DLG2: variants seen among roughly 807,000 people sequenced by gnomAD.
DLG2 encodes the protein discs large MAGUK scaffold protein 2, also known as disks large homolog 2.
DLG2 carries 45 observed loss-of-function variants against 132.5 expected under a neutral mutation model. That is an observed-to-expected ratio of 0.34 (90% CI 0.27 to 0.44). The LOEUF is 0.44. Among genes scored for constraint, DLG2 ranks in the 20% least tolerant of loss-of-function variants. The pLI, the probability that DLG2 is intolerant of heterozygous loss-of-function variation, is 1.00. For synonymous variants in DLG2, 424 were observed against 419.6 expected, an observed-to-expected ratio of 1.01 and a Z score of -0.13; for missense variants, 1,045 against 1,196.9, an observed-to-expected ratio of 0.87 and a Z score of 1.87.
intron 6 of DLG2, among the ~76,000 whole-genome samples, chr11:84,603,626 A>G (rs1016166745): frequency 2.6e-5 from 4 of 151,932 alleles, no homozygotes; most frequent in African/African-American, 7.2e-5. Flanking sequence ...CTAGTTCTCA[A>G]TCTCTGAACC....
intron 7 of DLG2, among the ~76,000 whole-genome samples, chr11:84,507,667 G>A (rs1222593571): frequency 6.6e-6 from 1 of 152,168 alleles, no homozygotes; most frequent in South Asian, 2.1e-4. Flanking sequence ...TCCGTTGAGA[G>A]TTTTTCATCA....
At chr11:85,010,523 A>C (rs2059061899) in intron 6 of DLG2, among the ~76,000 whole-genome samples, 1 of 152,088 alleles carries the variant, frequency 6.6e-6, no homozygotes, top group Admixed American at 6.5e-5. Flanking sequence ...TCTCTATAAA[A>C]CGTTCTAGTG....
At chr11:84,029,991 C>T (rs944052261) in intron 11 of DLG2, among the ~76,000 whole-genome samples, 3 of 152,066 alleles carry the variant, frequency 2.0e-5, no homozygotes, top group African/African-American at 4.8e-5. Flanking sequence ...AATATATATA[C>T]ACATACATAC....
intron 3 of DLG2, among the ~76,000 whole-genome samples, chr11:85,315,773 G>T (rs2080624761): frequency 6.6e-6 from 1 of 151,980 alleles, no homozygotes; most frequent in Non-Finnish European, 1.5e-5. Context: ...CCACACAGGA[G>T]TGAGGCCACC....
intron 4 of DLG2, among the ~76,000 whole-genome samples, chr11:85,191,162 G>GCGCGCGCGCACACACACACACACA (rs34410192): frequency 7.2e-6 from 1 of 139,840 alleles, no homozygotes; most frequent in African/African-American, 2.8e-5. Flanking sequence ...GCGCACGCGC[G>GCGCGCGCGCACACACACACACACA]CACACACACA....
chr11:85,522,262 G>C (rs764891436), intron 3 of DLG2, among the ~76,000 whole-genome samples: 1 of 152,154 alleles, frequency 6.6e-6, no homozygotes, highest in East Asian at 1.9e-4. Flanking sequence ...ACACAGTATT[G>C]GTTCTGTGGG....
At chr11:85,315,036 C>A (rs756046274) in intron 3 of DLG2, among the ~76,000 whole-genome samples, 8 of 151,962 alleles carry the variant, frequency 5.3e-5, no homozygotes, top group Non-Finnish European at 1.2e-4. Context: ...GAATTATGAG[C>A]TATCTAGGCC....
intron 18 of DLG2, among the ~76,000 whole-genome samples, chr11:83,715,358 A>G (rs2086450096): frequency 2.0e-5 from 3 of 152,214 alleles, no homozygotes; most frequent in African/African-American, 7.2e-5. Flanking sequence ...CATTATCTTT[A>G]TCAACAGAAT....
At chr11:83,529,576 T>C (rs1019477137) in intron 21 of DLG2, among the ~76,000 whole-genome samples, 8 of 75,350 alleles carry the variant, frequency 1.1e-4, no homozygotes, top group African/African-American at 4.8e-4. Context: ...CATGGCACTC[T>C]TTTTTTTTTT....
Position 84,568,461 on chromosome 11 carries a change from C to T in DLG2, c.358-33730G>A, listed in dbSNP as rs1245618423. 3.9e-5 allele frequency among the ~76,000 whole-genome samples: 6 copies of T among 152,112 alleles called. No individual in the cohort carries two copies. In the East Asian group the frequency reaches 5.8e-4, roughly 15 times the overall value. On this transcript the variant is annotated intron_variant, in intron 6 of 27. Coordinates refer to ENST00000376104, the MANE Select transcript of DLG2 (RefSeq NM_001142699.3). ...GGTGGAGGTTGCAGTGAGCCAAGATCGTGCCACTGCACTGTAGCCTGGGAG... is the reference window on the plus strand; with the variant it reads ...GGTGGAGGTTGCAGTGAGCCAAGATTGTGCCACTGCACTGTAGCCTGGGAG...
chr11:85,484,202 C>G (rs1321746865), intron 3 of DLG2, among the ~76,000 whole-genome samples: 8 of 127,630 alleles, frequency 6.3e-5, no homozygotes, highest in Admixed American at 4.8e-4. Flanking sequence ...TTCCCGCCCC[C>G]CGTTCCTCCC....
intron 3 of DLG2, among the ~76,000 whole-genome samples, chr11:85,436,463 G>GA (rs1479881024): frequency 6.7e-6 from 1 of 150,196 alleles, no homozygotes; most frequent in Non-Finnish European, 1.5e-5. Context: ...AAATTTACAA[G>GA]AAAAAAACAA....
At chr11:84,455,055 A>C (rs2099061764) in intron 7 of DLG2, among the ~76,000 whole-genome samples, 1 of 151,522 alleles carries the variant, frequency 6.6e-6, no homozygotes, top group South Asian at 2.1e-4. Context: ...GGTGGAATAA[A>C]AAATGACTTC....
chr11:84,353,896 A>C (rs1242568669), intron 7 of DLG2, among the ~76,000 whole-genome samples: 1 of 152,124 alleles, frequency 6.6e-6, no homozygotes, highest in Non-Finnish European at 1.5e-5. Flanking sequence ...TTTATGTTAG[A>C]TCTTCCTCAA....
At chr11:85,478,038 C>T (rs1011376217) in intron 3 of DLG2, among the ~76,000 whole-genome samples, 1 of 151,234 alleles carries the variant, frequency 6.6e-6, no homozygotes, top group Non-Finnish European at 1.5e-5. Context: ...AGACAGCTTT[C>T]GTTCTGTCAC....
chr11:85,286,575 A>G (rs954675057), intron 3 of DLG2, among the ~76,000 whole-genome samples: 2 of 152,132 alleles, frequency 1.3e-5, no homozygotes, highest in African/African-American at 4.8e-5. Flanking sequence ...TATATTAGCA[A>G]TGAGGGTGTC....
At chr11:85,601,202 C>A (rs1034767095) in intron 2 of DLG2, among the ~76,000 whole-genome samples, 13 of 152,104 alleles carry the variant, frequency 8.5e-5, no homozygotes, top group Non-Finnish European at 1.9e-4. Flanking sequence ...GTGATGGGGT[C>A]TCCCTACATT....
At chr11:83,840,079 A>G (rs79524969) in intron 16 of DLG2, among the ~76,000 whole-genome samples, 2,730 of 152,310 alleles carry the variant, frequency 0.018, 83 homozygotes, top group African/African-American at 0.061. Context: ...TGAGTTTGAC[A>G]TGTTGCTTCA....
At chr11:83,511,513 C>A (rs1386910040) in intron 21 of DLG2, among the ~76,000 whole-genome samples, 1 of 152,064 alleles carries the variant, frequency 6.6e-6, no homozygotes, top group Non-Finnish European at 1.5e-5. Context: ...GTGCTGTTAC[C>A]TCCATCATAG....
Sources: allele counts gnomAD v4.1 joint callset (sites outside exome capture counted in the v4.1 genomes callset), GRCh38; gene constraint gnomAD v4.1.1; transcripts MANE v1.5; gene names NCBI Gene and HGNC (gene_info 2026-07-23, HGNC 2026-07-21).